Variants in ALCAM observed in about 807,000 individuals in gnomAD.
ALCAM encodes the protein CD166 antigen.
A neutral mutation model predicts 70.9 loss-of-function variants in ALCAM; 30 were observed. That is an observed-to-expected ratio of 0.42 (90% CI 0.32 to 0.57). ALCAM has a LOEUF of 0.57. ALCAM is among the 20% of genes least tolerant of loss of function. The pLI is 0.11. For synonymous variants in ALCAM, 249 were observed against 242.5 expected (o/e 1.03, Z -0.25); for missense variants, 591 against 695.1 (o/e 0.85, Z 1.68).
At chr3:105,539,099 T>A (rs532860272) in intron 6 of ALCAM, among the ~76,000 whole-genome samples, 31 of 152,266 alleles carry the variant, frequency 2.0e-4, no homozygotes, top group African/African-American at 7.5e-4. Context: ...CAATAATTAT[T>A]AAGTCTTGTG....
chr3:105,552,928 A>G (rs979415852), intron 14 of ALCAM: 7 of 1,078,752 alleles, frequency 6.5e-6, no homozygotes, highest in African/African-American at 1.7e-5. Context: ...GAGAAGATTC[A>G]TTAAAAGTAC....
intron 1 of ALCAM, among the ~76,000 whole-genome samples, chr3:105,474,951 C>CA (rs1169452989): frequency 6.0e-5 from 9 of 150,324 alleles, no homozygotes; most frequent in South Asian, 2.1e-4. Flanking sequence ...AAACAAACAA[C>CA]AAAAAAAATC....
chr3:105,544,945 G>C (rs1444882551), intron 8 of ALCAM: 2 of 356,272 alleles, frequency 5.6e-6, no homozygotes, highest in African/African-American at 4.3e-5. Flanking sequence ...TAGGCCCTAG[G>C]GGAATATTTA....
At chr3:105,443,242 T>C (rs1168156057) in intron 1 of ALCAM, among the ~76,000 whole-genome samples, 1 of 152,178 alleles carries the variant, frequency 6.6e-6, no homozygotes, top group Admixed American at 6.5e-5. Context: ...TCACTAATTC[T>C]CTCAAGAAGA....
intron 1 of ALCAM, among the ~76,000 whole-genome samples, chr3:105,444,602 T>C (rs1296422896): frequency 6.6e-6 from 1 of 152,180 alleles, no homozygotes; most frequent in East Asian, 1.9e-4. Flanking sequence ...AAATACATCC[T>C]AAAATTTGTT....
At chr3:105,466,385 A>G (rs1226807465) in intron 1 of ALCAM, among the ~76,000 whole-genome samples, 2 of 151,492 alleles carry the variant, frequency 1.3e-5, no homozygotes, top group East Asian at 1.9e-4. Context: ...ATTCTTTAAC[A>G]TTGTGCGATC....
At chr3:105,468,494 T>G (rs1006869191) in intron 1 of ALCAM, among the ~76,000 whole-genome samples, 2 of 151,278 alleles carry the variant, frequency 1.3e-5, no homozygotes, top group African/African-American at 4.8e-5. Context: ...CATAAAAGAA[T>G]ATAGAATATG....
chr3:105,526,060 T>C (rs1215895542), intron 3 of ALCAM, among the ~76,000 whole-genome samples: 1 of 152,164 alleles, frequency 6.6e-6, no homozygotes, highest in Non-Finnish European at 1.5e-5. Context: ...TTTTTGGTGA[T>C]AGTTATAATG....
In ALCAM at chr3:105,506,602, CT is replaced by C. The variant is rs1269885832; in HGVS notation, c.74-13457del. Reference sequence around the variant, plus strand: ...TCCTTTAATGAGTAGGAACAGTGAACTTTTTTTTAAACCCAAATGACACTAT... The same window carrying C: ...TCCTTTAATGAGTAGGAACAGTGAACTTTTTTTAAACCCAAATGACACTAT... On this transcript the variant is annotated intron_variant, in intron 1 of 15. Coordinates refer to ENST00000306107, the MANE Select transcript of ALCAM (RefSeq NM_001627.4). 1.4e-4 allele frequency among the ~76,000 whole-genome samples: 21 copies of C among 152,026 alleles called. No individual in the cohort carries two copies. The East Asian group carries it at 3.7e-3, about 27-fold the overall frequency.
intron 1 of ALCAM, among the ~76,000 whole-genome samples, chr3:105,393,368 A>G (rs1935870645): frequency 1.3e-5 from 2 of 151,900 alleles, no homozygotes; most frequent in African/African-American, 4.8e-5. Context: ...CAGTAGAAAT[A>G]AATTTATACA....
chr3:105,519,330 A>G (rs1939469530), intron 1 of ALCAM, among the ~76,000 whole-genome samples: 1 of 151,972 alleles, frequency 6.6e-6, no homozygotes, highest in African/African-American at 2.4e-5. Context: ...TTCTTAATAT[A>G]GAATTAAATA....
At chr3:105,458,557 A>G (rs2152595990) in intron 1 of ALCAM, among the ~76,000 whole-genome samples, 1 of 152,362 alleles carries the variant, frequency 6.6e-6, no homozygotes, top group African/African-American at 2.4e-5. Flanking sequence ...AAATACTTAC[A>G]TACTCAAAAA....
chr3:105,471,719 A>G lies in ALCAM; in HGVS notation c.74-48348A>G, dbSNP rs1469596661. Among the ~76,000 whole-genome samples the G allele has an allele frequency of 2.0e-5, 3 of 151,270 alleles. No individual in the cohort carries two copies. In the Admixed American group the frequency reaches 2.0e-4, roughly 10 times the overall value. On this transcript the variant is annotated intron_variant, in intron 1 of 15. Coordinates refer to ENST00000306107, the MANE Select transcript of ALCAM (RefSeq NM_001627.4). ...ATTTATCATGTACATGATGTTTTGA[A>G]GTATATATGCATTGTGAAATGGTTA... is the stretch of plus-strand genomic sequence containing the variant.
chr3:105,404,951 C>T (rs748587068), intron 1 of ALCAM, among the ~76,000 whole-genome samples: 28 of 151,982 alleles, frequency 1.8e-4, no homozygotes, highest in Admixed American at 5.2e-4. Context: ...TTATGTCAGA[C>T]GAAACAAACT....
chr3:105,524,555 G>T lies in ALCAM; in HGVS notation c.394+47G>T, dbSNP rs376573102. On this transcript the variant is annotated intron_variant, in intron 3 of 15. Transcript: ENST00000306107. Reference sequence around the variant, plus strand: ...CACTGCTAAGTGGGATTGATGGCCAGTACCAGACCATGTTCTTTAGAAAGA... The same window carrying T: ...CACTGCTAAGTGGGATTGATGGCCATTACCAGACCATGTTCTTTAGAAAGA... 2.5e-6 allele frequency: 4 copies of T among 1,608,054 alleles called. No homozygotes were observed. In the South Asian group the frequency reaches 4.4e-5, roughly 18 times the overall value.
At chr3:105,537,895 G>A (rs1355772241) in intron 6 of ALCAM, among the ~76,000 whole-genome samples, 1 of 152,066 alleles carries the variant, frequency 6.6e-6, no homozygotes, top group African/African-American at 2.4e-5. Flanking sequence ...AATGAAGAAG[G>A]ACTGTAGGAT....
At chr3:105,412,381 A>G (rs1375826172) in intron 1 of ALCAM, among the ~76,000 whole-genome samples, 1 of 152,114 alleles carries the variant, frequency 6.6e-6, no homozygotes, top group Non-Finnish European at 1.5e-5. Context: ...ATATAATTAT[A>G]ATTAATTTGA....
At chr3:105,499,450 C>G (rs1360815390) in intron 1 of ALCAM, among the ~76,000 whole-genome samples, 1 of 152,126 alleles carries the variant, frequency 6.6e-6, no homozygotes, top group Non-Finnish European at 1.5e-5. Context: ...TTTACTAATT[C>G]TTTCTAAATT....
At chr3:105,430,458 T>C (rs565484017) in intron 1 of ALCAM, among the ~76,000 whole-genome samples, 4 of 152,162 alleles carry the variant, frequency 2.6e-5, no homozygotes, top group South Asian at 4.2e-4. Flanking sequence ...GTCTTTTTAT[T>C]TGAAATTGTC....
Sources: allele counts gnomAD v4.1 joint callset (sites outside exome capture counted in the v4.1 genomes callset), GRCh38; gene constraint gnomAD v4.1.1; transcripts MANE v1.5; gene names NCBI Gene and HGNC (gene_info 2026-07-23, HGNC 2026-07-21).